Variants in TRPM2 observed in about 807,000 individuals in gnomAD.
TRPM2 encodes the protein estrogen-responsive element-associated gene 1 protein.
Under a neutral mutation model 174.0 loss-of-function variants are expected in TRPM2, and 161 were observed. The observed-to-expected ratio is 0.93, with a 90% CI of 0.81 to 1.05. TRPM2 has a LOEUF of 1.05. TRPM2 is among the 50% of genes least tolerant of loss of function. TRPM2 has a pLI of 0.00. For missense variants in TRPM2, 2,057 were observed against 2,038.0 expected, an observed-to-expected ratio of 1.01 and a Z score of -0.18; for synonymous variants, 954 against 861.3, an observed-to-expected ratio of 1.11 and a Z score of -1.88.
rs765488737 is a variant in TRPM2 at position 44,401,760 on chromosome 21, C to A, written c.2401C>A (p.Leu801Met). The stretch of plus-strand genomic sequence containing the variant: ...CACCGCACCCGTGGTGGTCTTCCAC[C>A]TGAACATCCTCTCCTACTTCGCCTT... The part of the protein sequence containing the change: ...FFTAPVVVFH[L>M]NILSYFAFLC... Residue 801 changes from leucine to methionine, a missense_variant, in exon 16 of 32, where the codon CTG (leucine) becomes ATG (methionine). Physicochemically the swap from Leu to Met is conservative, Grantham distance 15. Transcript: ENST00000397928. 6.2e-7 allele frequency: 1 copy of A among 1,613,710 alleles called. No individual in the cohort carries two copies. The highest frequency in any genetic ancestry group is 1.1e-5 in the South Asian group (1 of 91,090).
intron 19 of TRPM2, among the ~76,000 whole-genome samples, chr21:44,410,345 GT>G (rs2050063191): frequency 1.2e-4 from 5 of 42,618 alleles, no homozygotes; most frequent in African/African-American, 3.4e-4. Flanking sequence ...CACTGTCTTG[GT>G]TGGTGTAGCC....
At chr21:44,392,376 G>A (rs148325736) in intron 11 of TRPM2, among the ~76,000 whole-genome samples, 134 of 151,154 alleles carry the variant, frequency 8.9e-4, no homozygotes, top group African/African-American at 3.1e-3. Flanking sequence ...TCCTGCCTCC[G>A]TCTCTTGAGT....
rs765174404 is a variant in TRPM2 at position 44,406,721 on chromosome 21, A to C, written c.2918A>C (p.His973Pro). The change falls in exon 19 of 32, where the codon CAC becomes CCC. Residue 973 changes from histidine (H) to proline (P), a missense_variant. His to Pro is a moderately conservative substitution (Grantham distance 77). Coordinates refer to ENST00000397928, the MANE Select transcript of TRPM2 (RefSeq NM_003307.4). ...TGGCTGTTCCGAGGGGCCGTCTACC[A>C]CTCCTACCTCACCATCTTCGGGCAG... The part of the protein sequence containing the change: ...VDWLFRGAVY[H>P]SYLTIFGQIP... 6 of 1,607,444 alleles carry C rather than the reference A, an allele frequency of 3.7e-6. No homozygotes were observed. The highest frequency in any genetic ancestry group is 5.1e-6 in the Non-Finnish European group (6 of 1,178,676).
At chr21:44,372,778 T>C (rs1444158107) in intron 5 of TRPM2, among the ~76,000 whole-genome samples, 2 of 152,132 alleles carry the variant, frequency 1.3e-5, no homozygotes. Flanking sequence ...GCAGGCAGAA[T>C]GCACTAGGTG....
Position 44,399,920 on chromosome 21 carries a change from A to G in TRPM2, c.2209-339A>G, listed in dbSNP as rs2049557972. Among the ~76,000 whole-genome samples the G allele has an allele frequency of 6.6e-6, 1 of 152,120 alleles. No homozygotes were observed. The highest frequency in any genetic ancestry group is 2.4e-5 in the African/African-American group (1 of 41,432). On this transcript the variant is annotated intron_variant, in intron 14 of 31. Coordinates refer to ENST00000397928, the MANE Select transcript of TRPM2 (RefSeq NM_003307.4). The surrounding 1 kb of genome is among the most constrained non-coding windows in gnomAD (Gnocchi z 4.6). ...GGAGCGCCGAGCTATTGCCAAGTCC[A>G]TGAGCTCCCGTCATGTCCTGGGCTG...
At chr21:44,381,952 GGATAGATAGATA>G (rs71197895) in intron 8 of TRPM2, among the ~76,000 whole-genome samples, 7,286 of 143,500 alleles carry the variant, frequency 0.051, 251 homozygotes, top group African/African-American at 0.097. Flanking sequence ...ATAGATAGAT[GGATAGATAGATA>G]GATAGATAGA....
upstream of TRPM2, chr21:44,350,439 G>C (rs1452825603): frequency 6.6e-6 from 1 of 151,348 alleles, no homozygotes; most frequent in Admixed American, 6.7e-5. Flanking sequence ...GCCGGCCCCG[G>C]TGCTGCTGCA....
chr21:44,383,428 G>A (rs2048938711), intron 9 of TRPM2, among the ~76,000 whole-genome samples: 1 of 152,222 alleles, frequency 6.6e-6, no homozygotes, highest in South Asian at 2.1e-4. Context: ...CAGGGTCGGA[G>A]GCCCCAGGCT....
chr21:44,414,104 G>C, intron 20 of TRPM2, 30 bp downstream of exon 20: 1 of 1,592,598 alleles, frequency 6.3e-7, no homozygotes, highest in South Asian at 1.1e-5. Flanking sequence ...TGGCGTGCAG[G>C]TGGGTGGGTG....
At chr21:44,356,313 C>T (rs1471324709) in intron 2 of TRPM2, among the ~76,000 whole-genome samples, 5 of 151,260 alleles carry the variant, frequency 3.3e-5, no homozygotes, top group South Asian at 4.2e-4. Flanking sequence ...GTGGAAGGAG[C>T]GGGGTCTGTA....
rs1006226276 is a variant in TRPM2, at chr21:44,438,312, G to A, written c.4168-755G>A. ...CTCTGGCACTTTGGCCTCTCCATGC[G>A]GGGTGCGTGGAGTTGGGTTTGGGGG... On this transcript the variant is annotated intron_variant, in intron 29 of 31. Coordinates refer to ENST00000397928, the MANE Select transcript of TRPM2 (RefSeq NM_003307.4). This position sits in a 1 kb window ranked among gnomAD's most constrained non-coding sequence, Gnocchi z 5.9. 5.3e-5 allele frequency among the ~76,000 whole-genome samples: 8 copies of A among 152,338 alleles called. No homozygotes were observed. The highest frequency in any genetic ancestry group is 1.3e-4 in the Admixed American group (2 of 15,308).
chr21:44,361,228 C>T (rs76011831), intron 2 of TRPM2, among the ~76,000 whole-genome samples: 1,783 of 152,206 alleles, frequency 0.012, 23 homozygotes, highest in Non-Finnish European at 0.02. Context: ...CTCCGCCTCC[C>T]GGCAACTGGG....
rs750087907 is a variant in TRPM2, at chr21:44,426,717, G to A, written c.3853G>A (p.Ala1285Thr). 24 of 1,613,920 alleles carry A rather than the reference G, an allele frequency of 1.5e-5. No individual in the cohort carries two copies. The highest frequency in any genetic ancestry group is 7.7e-5 in the South Asian group (7 of 91,094). ...CACGGCAGAGAGGAAGGACGCGGCC[G>A]CCATGGACCCCATGGGAGAGTGAGT... Reference protein sequence around the residue: ...FYTAERKDAAAMDPMGDTLEP... With the variant: ...FYTAERKDAATMDPMGDTLEP... The change falls in exon 26 of 32, where the codon GCC (alanine) becomes ACC (threonine). Residue 1285 changes from alanine to threonine, a missense_variant. Transcript: ENST00000397928.
intron 12 of TRPM2, 39 bp from the exon 13 acceptor site, chr21:44,397,708 C>T (rs754339121): frequency 1.3e-6 from 2 of 1,522,038 alleles, no homozygotes; most frequent in Non-Finnish European, 1.8e-6. Flanking sequence ...TGGGTTGAGC[C>T]TGGCTCTTTA....
At chr21:44,422,545 C>T (rs2050588969) in intron 22 of TRPM2, 1 of 1,259,614 alleles carries the variant, frequency 7.9e-7, no homozygotes. Flanking sequence ...GTCATATCCC[C>T]AGAAAGTTTC....
chr21:44,376,800 C>T lies in TRPM2; in HGVS notation c.952+787C>T, dbSNP rs140115391. ...GCAGGGTTCCTTGTGCATCGAACTC[C>T]CCTGGAGGGTTCCTCACCAGCTTGT... On this transcript the variant is annotated intron_variant, in intron 6 of 31. Coordinates refer to ENST00000397928, the MANE Select transcript of TRPM2 (RefSeq NM_003307.4). This position sits in a 1 kb window ranked among gnomAD's most constrained non-coding sequence, Gnocchi z 4.2. Among the ~76,000 whole-genome samples the T allele has an allele frequency of 8.5e-4, 130 of 152,278 alleles. No individual in the cohort carries two copies. The highest frequency in any genetic ancestry group is 3.0e-3 in the African/African-American group (126 of 41,546).
In TRPM2 at chr21:44,399,617, C is replaced by A. The variant is rs1242261710; in HGVS notation, c.2208+176C>A. ...CTCCAGGCTCTGGCCTCCCATTTTG[C>A]AGATGGGGGGAAGCTAACATGAAGC... On this transcript the variant is annotated intron_variant, in intron 14 of 31. Transcript: ENST00000397928. The surrounding 1 kb of genome is among the most constrained non-coding windows in gnomAD (Gnocchi z 4.6). Among the ~76,000 whole-genome samples the A allele has an allele frequency of 6.6e-6, 1 of 152,186 alleles. No homozygotes were observed. The highest frequency in any genetic ancestry group is 1.5e-5 in the Non-Finnish European group (1 of 68,026).
rs1231852154 is a variant in TRPM2 at position 44,425,696 on chromosome 21, G to C, written c.3664G>C (p.Asp1222His). 8 of 1,552,764 alleles carry C rather than the reference G, an allele frequency of 5.2e-6. No homozygotes were observed. Among genetic ancestry groups the C allele is most frequent in the Non-Finnish European group, 6.1e-6 (7 of 1,146,148 alleles). Residue 1222 changes from aspartate (D) to histidine (H), a missense_variant, in exon 25 of 32, where the codon GAT (aspartate) becomes CAT (histidine). Asp to His is a moderately conservative substitution (Grantham distance 81, BLOSUM62 -1). Transcript: ENST00000397928. ...LASQKAAEEP[D>H]AEPGGRKKTE... ...CTCCCAGAAGGCCGCGGAGGAGCCGGATGCTGAGCCGGGAGGCAGGAAGAA... is the reference window on the plus strand; with the variant it reads ...CTCCCAGAAGGCCGCGGAGGAGCCGCATGCTGAGCCGGGAGGCAGGAAGAA...
chr21:44,369,261 G>A lies in TRPM2; in HGVS notation c.689G>A (p.Ser230Asn), dbSNP rs756649396. The change falls in exon 5 of 32, where the codon AGC becomes AAC. Residue 230 changes from serine to asparagine, a missense_variant. Ser to Asn is a conservative substitution (Grantham distance 46, BLOSUM62 1). Coordinates refer to ENST00000397928, the MANE Select transcript of TRPM2 (RefSeq NM_003307.4). Reference sequence around the variant, plus strand: ...GTGCGGGACTTCAGCCTGAGCAGCAGCTACAAGGAAGGCGAGCTCATCACC... The same window carrying A: ...GTGCGGGACTTCAGCCTGAGCAGCAACTACAAGGAAGGCGAGCTCATCACC... ...EAVRDFSLSS[S>N]YKEGELITIG... 3 of 1,613,726 alleles carry A rather than the reference G, an allele frequency of 1.9e-6. No homozygotes were observed. The highest frequency in any genetic ancestry group is 2.7e-5 in the African/African-American group (2 of 74,922).
Sources: allele counts gnomAD v4.1 joint callset (sites outside exome capture counted in the v4.1 genomes callset), GRCh38; gene constraint gnomAD v4.1.1; non-coding constraint Gnocchi (gnomAD v3.1); transcripts MANE v1.5; gene names NCBI Gene and HGNC (gene_info 2026-07-23, HGNC 2026-07-21).